Variants in RCAN1 observed in about 807,000 individuals in gnomAD.
RCAN1 encodes regulator of calcineurin 1.
RCAN1 carries 11 observed loss-of-function variants against 22.9 expected under a neutral mutation model. The observed-to-expected ratio is 0.48, with a 90% confidence interval of 0.30 to 0.79. RCAN1 has a LOEUF of 0.79. RCAN1 is among the 30% of genes least tolerant of loss of function. The pLI is 0.06. For missense variants in RCAN1, 291 were observed against 337.8 expected, an observed-to-expected ratio of 0.86 and a Z score of 1.09; for synonymous variants, 136 against 142.3, an observed-to-expected ratio of 0.96 and a Z score of 0.32.
intron 1 of RCAN1, chr21:34,527,104 G>A (rs1985112643): frequency 9.6e-6 from 4 of 418,766 alleles, no homozygotes; most frequent in Admixed American, 1.2e-4. Flanking sequence ...CTCTCTTGCA[G>A]CATAGTTTCC....
chr21:34,537,590 G>T (rs1424844100), intron 1 of RCAN1, among the ~76,000 whole-genome samples: 3 of 152,152 alleles, frequency 2.0e-5, no homozygotes, highest in Admixed American at 2.0e-4. Flanking sequence ...TGGTCTACTC[G>T]CCCCTCCACC....
chr21:34,518,206 C>A lies in RCAN1; in HGVS notation c.637G>T (p.Val213Phe). 6.2e-7 allele frequency: 1 copy of A among 1,614,186 alleles called. No homozygotes were observed. The highest frequency in any genetic ancestry group is 8.5e-7 in the Non-Finnish European group (1 of 1,180,030). ...TCTTGATCACTCTCACATACATGGA[C>A]CACCACGCTGGGAGTGGTGTCAGTC... Reference protein sequence around the residue: ...AATDTTPSVVVHVCESDQEKE... With the variant: ...AATDTTPSVVFHVCESDQEKE... The change falls in exon 4 of 4, where the codon GTC (valine) becomes TTC (phenylalanine). Residue 213 changes from valine (V) to phenylalanine (F), a missense_variant. By Grantham distance (50) the Val-to-Phe change is conservative (BLOSUM62 -1). Transcript: ENST00000313806. The surrounding 1 kb of genome is among the most constrained non-coding windows in gnomAD (Gnocchi z 4.2).
In RCAN1 at chr21:34,552,979, A is replaced by G. The variant is rs775942225; in HGVS notation, c.253-29269T>C. Reference sequence around the variant, plus strand: ...TAATAGGATGATAGAAGACTGGAACATAACTGCCTAATTCTGAATTTCAGA... The same window carrying G: ...TAATAGGATGATAGAAGACTGGAACGTAACTGCCTAATTCTGAATTTCAGA... On this transcript the variant is annotated intron_variant, in intron 1 of 3. Transcript: ENST00000313806. Among the ~76,000 whole-genome samples, 3 of 152,224 alleles carry G rather than the reference A, an allele frequency of 2.0e-5. No homozygotes were observed. In the South Asian group the frequency reaches 6.2e-4, roughly 32 times the overall value.
At chr21:34,526,446 C>T (rs1408515881) in intron 1 of RCAN1, among the ~76,000 whole-genome samples, 1 of 152,158 alleles carries the variant, frequency 6.6e-6, no homozygotes, top group East Asian at 1.9e-4. Context: ...GGTTCAGGGG[C>T]CTGGATGTTG....
intron 1 of RCAN1, among the ~76,000 whole-genome samples, chr21:34,547,825 T>C (rs889807187): frequency 6.6e-6 from 1 of 152,226 alleles, no homozygotes; most frequent in African/African-American, 2.4e-5. Context: ...TCTTAGACTT[T>C]TCAGCTTCCA....
At chr21:34,612,730 C>A (rs897708445) in intron 1 of RCAN1, among the ~76,000 whole-genome samples, 6 of 152,246 alleles carry the variant, frequency 3.9e-5, no homozygotes, top group African/African-American at 1.4e-4. Flanking sequence ...CAGCTCCTGG[C>A]AGGCAGCTCC....
chr21:34,537,260 AG>A (rs36026948), intron 1 of RCAN1, among the ~76,000 whole-genome samples: 13,523 of 152,298 alleles, frequency 0.089, 947 homozygotes, highest in African/African-American at 0.19. Context: ...GTTCCCGTCA[AG>A]TGACTAAAAT....
chr21:34,518,324 G>A lies in RCAN1; in HGVS notation c.587-68C>T, dbSNP rs146260033. 3.8e-4 allele frequency: 579 copies of A among 1,538,184 alleles called. No homozygotes were observed. Among genetic ancestry groups the A allele is most frequent in the Admixed American group, 1.9e-3 (104 of 55,276 alleles). On this transcript the variant is annotated intron_variant, in intron 3 of 3. Transcript: ENST00000313806. This position sits in a 1 kb window ranked among gnomAD's most constrained non-coding sequence, Gnocchi z 4.2. ...TGGGAGTCAAAAGGCAAACATAAAA[G>A]AGCATTCAGGGCTCTGCTGGGCCAG...
chr21:34,534,191 G>A (rs1399046937), intron 1 of RCAN1, among the ~76,000 whole-genome samples: 2 of 123,570 alleles, frequency 1.6e-5, no homozygotes, highest in Non-Finnish European at 3.3e-5. Context: ...GGGGTAGGCA[G>A]GGCAGTGGGA....
At chr21:34,590,415 C>T (rs561191532) in intron 1 of RCAN1, among the ~76,000 whole-genome samples, 1 of 152,322 alleles carries the variant, frequency 6.6e-6, no homozygotes, top group Admixed American at 6.5e-5. Flanking sequence ...CAAATGAATA[C>T]ATAAATGAAT....
intron 1 of RCAN1, among the ~76,000 whole-genome samples, chr21:34,579,163 G>A (rs1987518708): frequency 6.6e-6 from 1 of 152,154 alleles, no homozygotes; most frequent in Non-Finnish European, 1.5e-5. Flanking sequence ...GGGAGGCTGA[G>A]GTGGGCAGAT....
intron 1 of RCAN1, among the ~76,000 whole-genome samples, chr21:34,543,834 GCTGGGGGTCCT>G (rs1986019595): frequency 6.6e-6 from 1 of 152,226 alleles, no homozygotes; most frequent in Non-Finnish European, 1.5e-5. Flanking sequence ...GTCCTTACTT[GCTGGGGGTCCT>G]CAGTCAACTG....
At chr21:34,590,183 T>A (rs928858757) in intron 1 of RCAN1, among the ~76,000 whole-genome samples, 1 of 152,160 alleles carries the variant, frequency 6.6e-6, no homozygotes, top group Non-Finnish European at 1.5e-5. Context: ...AAAAATCATA[T>A]CCTCAGAGCG....
chr21:34,605,295 G>A (rs1055481210), intron 1 of RCAN1, among the ~76,000 whole-genome samples: 1 of 152,198 alleles, frequency 6.6e-6, no homozygotes, highest in African/African-American at 2.4e-5. Context: ...TAGACTCCAG[G>A]TTCTTCAGCT....
chr21:34,525,185 C>G, intron 1 of RCAN1: 10 of 1,550,556 alleles, frequency 6.4e-6, no homozygotes, highest in Non-Finnish European at 8.7e-6. Context: ...TGCTAGCAAG[C>G]GCGGGGAGGC....
intron 1 of RCAN1, among the ~76,000 whole-genome samples, chr21:34,555,607 A>AAT (rs1986531070): frequency 6.7e-6 from 1 of 149,860 alleles, no homozygotes; most frequent in African/African-American, 2.5e-5. Flanking sequence ...ATAATAATAA[A>AAT]AAAATAAAAT....
intron 1 of RCAN1, among the ~76,000 whole-genome samples, chr21:34,609,929 T>C (rs1988638967): frequency 6.6e-6 from 1 of 152,272 alleles, no homozygotes; most frequent in Non-Finnish European, 1.5e-5. Flanking sequence ...TACAACATTC[T>C]GAACCTTCCC....
At chr21:34,596,423 TG>T (rs780092583) in intron 1 of RCAN1, among the ~76,000 whole-genome samples, 1 of 152,104 alleles carries the variant, frequency 6.6e-6, no homozygotes, top group Non-Finnish European at 1.5e-5. Context: ...GAGAAAGAGT[TG>T]GCTAAAGTAG....
At chr21:34,525,149 A>G in intron 1 of RCAN1, 1 of 1,550,480 alleles carries the variant, frequency 6.4e-7, no homozygotes, top group Non-Finnish European at 8.7e-7. Context: ...AGGATAAGAG[A>G]GGAGAGTGTC....
Sources: allele counts gnomAD v4.1 joint callset (sites outside exome capture counted in the v4.1 genomes callset), GRCh38; gene constraint gnomAD v4.1.1; non-coding constraint Gnocchi (gnomAD v3.1); transcripts MANE v1.5; gene names NCBI Gene and HGNC (gene_info 2026-07-23, HGNC 2026-07-21).